The following LRBA variants were observed in gnomAD, a reference collection of about 807,000 sequenced individuals.
The protein encoded by LRBA is lipopolysaccharide-responsive and beige-like anchor protein.
In LRBA, 176 loss-of-function variants were observed where a neutral mutation model predicts 330.0. That is an observed-to-expected ratio of 0.53 (90% CI 0.47 to 0.60). The LOEUF (loss-of-function observed/expected upper bound fraction) is 0.60, where lower values mean the gene tolerates loss of function less well. Among genes scored for constraint, LRBA ranks in the 20% least tolerant of loss-of-function variants. LRBA has a pLI of 0.00. For synonymous variants in LRBA, 1,230 were observed against 1,193.0 expected (o/e 1.03, Z -0.64); for missense variants, 3,259 against 3,444.8 (o/e 0.95, Z 1.35).
chr4:150,886,993 C>G (rs1352230760), intron 17 of LRBA, among the ~76,000 whole-genome samples: 1 of 152,022 alleles, frequency 6.6e-6, no homozygotes, highest in Non-Finnish European at 1.5e-5. Context: ...AAAAGTTCTC[C>G]AAAAAGAAAT....
At chr4:150,626,398 A>C (rs1315040657) in intron 37 of LRBA, among the ~76,000 whole-genome samples, 1 of 152,214 alleles carries the variant, frequency 6.6e-6, no homozygotes, top group Non-Finnish European at 1.5e-5. Flanking sequence ...AATAAGTTTT[A>C]ATAGCTTGTT....
At chr4:150,424,749 A>C (rs1749330567) in intron 46 of LRBA, among the ~76,000 whole-genome samples, 1 of 152,272 alleles carries the variant, frequency 6.6e-6, no homozygotes, top group Admixed American at 6.5e-5. Flanking sequence ...CCACACAGAC[A>C]TGGGAAGAAC....
At chr4:150,735,491 T>C (rs1181414835) in intron 35 of LRBA, 125 bp from the exon 36 acceptor site, 3 of 678,926 alleles carry the variant, frequency 4.4e-6, no homozygotes, top group South Asian at 1.8e-5. Flanking sequence ...CACAATGAGG[T>C]ACCATTATTT....
At chr4:150,682,488 C>T (rs540735749) in intron 37 of LRBA, among the ~76,000 whole-genome samples, 1 of 152,152 alleles carries the variant, frequency 6.6e-6, no homozygotes, top group South Asian at 2.1e-4. Flanking sequence ...AAATTAGGTA[C>T]CCAGAAATAT....
intron 35 of LRBA, among the ~76,000 whole-genome samples, chr4:150,754,689 G>A (rs1177467840): frequency 6.6e-6 from 1 of 151,996 alleles, no homozygotes; most frequent in Non-Finnish European, 1.5e-5. Context: ...TACCAACTTG[G>A]GGGACCAAGG....
chr4:150,564,180 A>G (rs1768803498), intron 40 of LRBA, among the ~76,000 whole-genome samples: 1 of 152,202 alleles, frequency 6.6e-6, no homozygotes, highest in African/African-American at 2.4e-5. Flanking sequence ...ACTGGTACCA[A>G]AACAGATATA....
intron 37 of LRBA, among the ~76,000 whole-genome samples, chr4:150,647,352 CTTT>C (rs769403201): frequency 7.8e-4 from 62 of 79,830 alleles, no homozygotes; most frequent in African/African-American, 2.7e-3. Context: ...ATTACTTTTT[CTTT>C]TTTTTTTTTT....
intron 40 of LRBA, among the ~76,000 whole-genome samples, chr4:150,556,968 A>C (rs1227796108): frequency 6.6e-6 from 1 of 152,216 alleles, no homozygotes; most frequent in Non-Finnish European, 1.5e-5. Context: ...GATAATTAAA[A>C]GGACGTTTGT....
chr4:150,603,219 T>C (rs1052241924), intron 37 of LRBA, among the ~76,000 whole-genome samples: 3 of 152,192 alleles, frequency 2.0e-5, no homozygotes, highest in Non-Finnish European at 4.4e-5. Flanking sequence ...GTGGAACATA[T>C]GTCTTTAAAA....
At chr4:150,953,721 C>T (rs903557932) in intron 2 of LRBA, among the ~76,000 whole-genome samples, 1 of 151,852 alleles carries the variant, frequency 6.6e-6, no homozygotes, top group Non-Finnish European at 1.5e-5. Flanking sequence ...ACAACCTCCA[C>T]CTCCCAGCCG....
At chr4:151,013,586 T>C (rs780610509) in intron 2 of LRBA, 3 of 152,188 alleles carry the variant, frequency 2.0e-5, no homozygotes, top group African/African-American at 4.8e-5. Context: ...TTAAGCCCTA[T>C]ACAGTGATGC....
chr4:150,798,104 A>G lies in LRBA; in HGVS notation c.5557T>C (p.Leu1853=). 3.1e-6 allele frequency: 5 copies of G among 1,609,704 alleles called. No homozygotes were observed. The highest frequency in any genetic ancestry group is 1.3e-5 in the African/African-American group (1 of 74,988). Residue 1853 remains leucine (L), a synonymous_variant, in exon 34 of 57, where the codon TTG becomes CTG. Transcript: ENST00000651943. The stretch of plus-strand genomic sequence containing the variant: ...ACCTGAGAACACAGTAGCATAACCA[A>G]TTCCACAACTGAACTACTCGACTTC... ...CMKSSSSVVE[L]VMLLCSQEWQ...
At chr4:150,767,566 T>C (rs898985882) in intron 34 of LRBA, among the ~76,000 whole-genome samples, 5 of 152,008 alleles carry the variant, frequency 3.3e-5, no homozygotes, top group Non-Finnish European at 1.5e-5. Flanking sequence ...GAGACCATCC[T>C]GGCCAACACG....
At chr4:150,338,179 A>T (rs1310655612) in intron 48 of LRBA, among the ~76,000 whole-genome samples, 1 of 152,022 alleles carries the variant, frequency 6.6e-6, no homozygotes, top group African/African-American at 2.4e-5. Context: ...CTTAGGGAAA[A>T]TTTTCAGGTT....
chr4:151,009,735 C>CT (rs761455391), intron 2 of LRBA, among the ~76,000 whole-genome samples: 1 of 152,092 alleles, frequency 6.6e-6, no homozygotes, highest in East Asian at 1.9e-4. Context: ...AATCCCAGCA[C>CT]TTTGAGAGGC....
chr4:150,950,537 A>G (rs986613645), intron 2 of LRBA, among the ~76,000 whole-genome samples: 1 of 151,580 alleles, frequency 6.6e-6, no homozygotes, highest in Non-Finnish European at 1.5e-5. Flanking sequence ...AATTTAGGGT[A>G]CATGAAAGAA....
chr4:150,955,394 T>C (rs964238127), intron 2 of LRBA, among the ~76,000 whole-genome samples: 1 of 149,442 alleles, frequency 6.7e-6, no homozygotes, highest in Middle Eastern at 3.4e-3. Flanking sequence ...TTTATAGCTG[T>C]AAATGCCTAC....
rs72738350 is a variant in LRBA, at chr4:150,754,768, A to T, written c.5645+7015T>A. ...TCTTAAAAGAAAAAAAAATTACAAT[A>T]AAAAAATTTAATTGGAGTTTTTCTA... On this transcript the variant is annotated intron_variant, in intron 35 of 56. Transcript: ENST00000651943. Among the ~76,000 whole-genome samples, 243 of 152,168 alleles carry T rather than the reference A, an allele frequency of 1.6e-3. 1 individual carries two copies. The highest frequency in any genetic ancestry group is 3.6e-3 in the Admixed American group (55 of 15,278).
At chr4:150,555,756 AACACACACACAC>A (rs34497958) in intron 40 of LRBA, among the ~76,000 whole-genome samples, 18 of 144,608 alleles carry the variant, frequency 1.2e-4, no homozygotes, top group Admixed American at 2.1e-4. Context: ...GTCTTATAAA[AACACACACACAC>A]ACACACACAC....
Sources: allele counts gnomAD v4.1 joint callset (sites outside exome capture counted in the v4.1 genomes callset), GRCh38; gene constraint gnomAD v4.1.1; transcripts MANE v1.5; gene names NCBI Gene and HGNC (gene_info 2026-07-23, HGNC 2026-07-21).